Variants in OSBPL1A observed in about 807,000 individuals in gnomAD.
The protein encoded by OSBPL1A is oxysterol binding protein like 1A.
OSBPL1A carries 80 observed loss-of-function variants against 137.1 expected under a neutral mutation model. That is an observed-to-expected ratio of 0.58 (90% confidence interval 0.49 to 0.70). OSBPL1A has a LOEUF of 0.70. OSBPL1A is among the 30% of genes least tolerant of loss of function. The pLI, the probability that OSBPL1A is intolerant of heterozygous loss-of-function variation, is 0.00. For synonymous variants in OSBPL1A, 365 were observed against 389.7 expected (o/e 0.94, Z 0.75); for missense variants, 970 against 1,129.4 (o/e 0.86, Z 2.02).
At chr18:24,372,367 C>G (rs564878596) in intron 2 of OSBPL1A, among the ~76,000 whole-genome samples, 1 of 152,174 alleles carries the variant, frequency 6.6e-6, no homozygotes, top group Admixed American at 6.5e-5. Context: ...ACTTCAAAAT[C>G]CATATTTCCA....
chr18:24,220,879 C>A (rs576005044), intron 17 of OSBPL1A, among the ~76,000 whole-genome samples: 1 of 151,932 alleles, frequency 6.6e-6, no homozygotes, highest in South Asian at 2.1e-4. Context: ...ATGCCATGAT[C>A]TTGGCTCACT....
intron 7 of OSBPL1A, among the ~76,000 whole-genome samples, chr18:24,325,474 A>T (rs2090957340): frequency 1.3e-5 from 2 of 152,210 alleles, no homozygotes; most frequent in African/African-American, 4.8e-5. Context: ...CTCTTCTGCC[A>T]GACTTCCTCA....
At chr18:24,367,228 T>TTATATATATATATATATATATATATA in intron 3 of OSBPL1A, among the ~76,000 whole-genome samples, 1 of 147,170 alleles carries the variant, frequency 6.8e-6, no homozygotes, top group African/African-American at 2.5e-5. Context: ...AGACTCCATC[T>TTATATATATATATATATATATATATA]TATATATATA....
At chr18:24,190,359 A>G (rs2086858194) in intron 18 of OSBPL1A, among the ~76,000 whole-genome samples, 1 of 151,274 alleles carries the variant, frequency 6.6e-6, no homozygotes, top group South Asian at 2.1e-4. Context: ...AAAAAAAAAA[A>G]AAAAAAAAAA....
At chr18:24,176,962 C>G (rs1349129867) in intron 21 of OSBPL1A, among the ~76,000 whole-genome samples, 1 of 152,234 alleles carries the variant, frequency 6.6e-6, no homozygotes. Context: ...TCCCCTCCGG[C>G]TGGCAAGCTG....
At chr18:24,223,129 C>T (rs1410367877) in intron 17 of OSBPL1A, among the ~76,000 whole-genome samples, 1 of 151,962 alleles carries the variant, frequency 6.6e-6, no homozygotes, top group African/African-American at 2.4e-5. Context: ...ACCCAAACTA[C>T]TATGAATACA....
intron 4 of OSBPL1A, among the ~76,000 whole-genome samples, chr18:24,344,954 C>T (rs2091321542): frequency 1.3e-5 from 2 of 151,940 alleles, no homozygotes; most frequent in African/African-American, 2.4e-5. Flanking sequence ...GCTGGGACTA[C>T]AGGCATGTGC....
chr18:24,250,986 C>A (rs1398059948), intron 15 of OSBPL1A, among the ~76,000 whole-genome samples: 1 of 152,120 alleles, frequency 6.6e-6, no homozygotes, highest in African/African-American at 2.4e-5. Flanking sequence ...CCCCATGGGC[C>A]AGTGGTAGTG....
At chr18:24,352,777 C>A (rs1343477265) in intron 4 of OSBPL1A, among the ~76,000 whole-genome samples, 1 of 152,144 alleles carries the variant, frequency 6.6e-6, no homozygotes, top group Non-Finnish European at 1.5e-5. Flanking sequence ...CTACAACTAT[C>A]TGATCTTTGA....
chr18:24,176,673 A>G (rs540931890), intron 21 of OSBPL1A, among the ~76,000 whole-genome samples: 1 of 151,904 alleles, frequency 6.6e-6, no homozygotes, highest in South Asian at 2.1e-4. Flanking sequence ...AGAAGTCCTG[A>G]CTCTCCTCCT....
intron 18 of OSBPL1A, among the ~76,000 whole-genome samples, chr18:24,186,991 G>T (rs2086765618): frequency 6.6e-6 from 1 of 151,576 alleles, no homozygotes; most frequent in Non-Finnish European, 1.5e-5. Context: ...GCAGCAGCTG[G>T]TCCACCTTAC....
chr18:24,301,432 C>T (rs1208948095), intron 14 of OSBPL1A: 1 of 152,188 alleles, frequency 6.6e-6, no homozygotes. Flanking sequence ...CTTCATATTT[C>T]GTATCACTGG....
chr18:24,314,303 A>G lies in OSBPL1A; in HGVS notation c.915T>C (p.Asp305=). Residue 305 remains aspartate (D), a synonymous_variant, in exon 12 of 28, where the codon GAT becomes GAC. Coordinates refer to ENST00000319481, the MANE Select transcript of OSBPL1A (RefSeq NM_080597.4). The part of the protein sequence containing the change: ...DSCLFFIKCF[D]DTIHGFRVPK... ...GAACCCGGAAGCCATGAATGGTGTC[A>G]TCAAAGCATTTAATAAAGAAGAGGC... 1 of 1,612,198 alleles carries G rather than the reference A, an allele frequency of 6.2e-7. No individual in the cohort carries two copies. Among genetic ancestry groups the G allele is most frequent in the South Asian group, 1.1e-5 (1 of 90,576 alleles).
At chr18:24,266,572 C>G (rs16940615) in intron 15 of OSBPL1A, among the ~76,000 whole-genome samples, 2,524 of 152,072 alleles carry the variant, frequency 0.017, 68 homozygotes, top group African/African-American at 0.058. Context: ...AGTAGGTGAG[C>G]AAAAGAAACA....
intron 25 of OSBPL1A, among the ~76,000 whole-genome samples, chr18:24,167,001 T>C (rs2145903979): frequency 6.6e-6 from 1 of 152,334 alleles, no homozygotes; most frequent in East Asian, 1.9e-4. Flanking sequence ...AAATCATTCC[T>C]TGCTGGGTCT....
chr18:24,268,833 G>A (rs566427147), intron 15 of OSBPL1A, among the ~76,000 whole-genome samples: 6 of 152,240 alleles, frequency 3.9e-5, no homozygotes, highest in East Asian at 1.9e-4. Context: ...CCATGTTGAC[G>A]TAGGTGACTC....
intron 17 of OSBPL1A, among the ~76,000 whole-genome samples, chr18:24,220,229 C>T (rs1428575336): frequency 1.3e-5 from 2 of 152,256 alleles, no homozygotes; most frequent in Non-Finnish European, 2.9e-5. Flanking sequence ...GTCTGACCTA[C>T]ATGCCTTTTA....
chr18:24,279,351 C>T (rs921447148), intron 15 of OSBPL1A, among the ~76,000 whole-genome samples: 1 of 151,790 alleles, frequency 6.6e-6, no homozygotes, highest in Non-Finnish European at 1.5e-5. Context: ...ATCACTTGAG[C>T]CCAGGAGGCT....
chr18:24,248,572 C>T (rs1173025244), intron 15 of OSBPL1A, among the ~76,000 whole-genome samples: 3 of 152,224 alleles, frequency 2.0e-5, no homozygotes, highest in Admixed American at 6.5e-5. Flanking sequence ...TGGTTTTTGA[C>T]GTACTGACCA....
Sources: gnomAD v4.1 joint callset for allele counts (sites outside exome capture counted in the v4.1 genomes callset) on GRCh38, gnomAD v4.1.1 for gene constraint, MANE v1.5 for transcripts, NCBI Gene and HGNC (gene_info 2026-07-23, HGNC 2026-07-21) for gene names.